The following COG8 variants were observed in gnomAD, a reference collection of about 807,000 sequenced individuals.
The protein encoded by COG8 is conserved oligomeric Golgi complex subunit 8.
Under a neutral mutation model 46.5 loss-of-function variants are expected in COG8, and 45 were observed. The observed-to-expected ratio is 0.97, with a 90% confidence interval of 0.76 to 1.24. The LOEUF is 1.24. Among genes scored for constraint, COG8 ranks in the 50% most tolerant of loss-of-function variants. COG8 has a pLI of 0.00. For missense variants in COG8, 793 were observed against 820.8 expected (o/e 0.97, Z 0.41); for synonymous variants, 407 against 347.8 (o/e 1.17, Z -1.90).
At position 69,332,736 on chromosome 16, in the gene COG8, T is replaced by A. The variant is rs751469714; in HGVS notation, c.1560A>T (p.Pro520=). The change falls in exon 4 of 6, where the codon CCA becomes CCT. Residue 520 remains proline (P), a synonymous_variant. Transcript: ENST00000306875. ...LNRCLQVLFP[P]AQIAQTLGIP... ...TACCTAAAGTCTGTGCTATCTGAGCTGGTGGAAAAAGGACTTGGAGACAGC... is the reference window on the plus strand; with the variant it reads ...TACCTAAAGTCTGTGCTATCTGAGCAGGTGGAAAAAGGACTTGGAGACAGC... The A allele has an allele frequency of 3.1e-6, 5 of 1,614,216 alleles. No homozygotes were observed. The highest frequency in any genetic ancestry group is 3.4e-6 in the Non-Finnish European group (4 of 1,180,010).
Position 69,329,101 on chromosome 16 carries a change from T to C in COG8, c.*105A>G, listed in dbSNP as rs754999679. On this transcript the variant is annotated 3_prime_UTR_variant, in exon 6 of 6. Coordinates refer to ENST00000306875, the MANE Select transcript of COG8 (RefSeq NM_032382.5). ...GTCAATAAACAGGCAGCCCTGCAGG[T>C]GGTCCATCTCGTGCTGGATGATGCG... is the stretch of plus-strand genomic sequence containing the variant. 151 of 1,611,822 alleles carry C rather than the reference T, an allele frequency of 9.4e-5. No homozygotes were observed. The highest frequency in any genetic ancestry group is 1.2e-4 in the Non-Finnish European group (140 of 1,179,584).
At position 69,339,330 on chromosome 16, in the gene COG8, G is replaced by C; in HGVS notation, c.223C>G (p.Leu75Val). The change falls in exon 1 of 6, where the codon CTG (leucine) becomes GTG (valine). Residue 75 changes from leucine to valine, a missense_variant. Coordinates refer to ENST00000306875, the MANE Select transcript of COG8 (RefSeq NM_032382.5). ...GCCAAGTCGCGCGTCTGCTGCAGCA[G>C]CTGCGCCCGCTCCTCCGCCAGGCGC... ...PERLAEERAQ[L>V]LQQTRDLAFA... 1 of 1,606,720 alleles carries C rather than the reference G, an allele frequency of 6.2e-7. No homozygotes were observed. The highest frequency in any genetic ancestry group is 8.5e-7 in the Non-Finnish European group (1 of 1,178,090).
Position 69,329,027 on chromosome 16 carries a change from C to A in COG8, c.*179G>T, listed in dbSNP as rs770713095. Reference sequence around the variant, plus strand: ...TCAGCCCCAGTAGCAAAGCTTTAGTCATTCACCTTCATCCAATAGACGTTT... The same window carrying A: ...TCAGCCCCAGTAGCAAAGCTTTAGTAATTCACCTTCATCCAATAGACGTTT... On this transcript the variant is annotated 3_prime_UTR_variant, in exon 6 of 6. Coordinates refer to ENST00000306875, the MANE Select transcript of COG8 (RefSeq NM_032382.5). 2 of 1,608,016 alleles carry A rather than the reference C, an allele frequency of 1.2e-6. No homozygotes were observed. Among genetic ancestry groups the A allele is most frequent in the African/African-American group, 2.7e-5 (2 of 74,762 alleles).
At chr16:69,338,479 A>C (rs2012328993) in intron 1 of COG8, 2 of 152,292 alleles carry the variant, frequency 1.3e-5, no homozygotes, top group South Asian at 4.1e-4. Context: ...TTCGTATAAA[A>C]TAAGTATATA....
At chr16:69,336,007 C>G (rs1299476449) in intron 2 of COG8, among the ~76,000 whole-genome samples, 1 of 152,080 alleles carries the variant, frequency 6.6e-6, no homozygotes, top group African/African-American at 2.4e-5. Context: ...TTAAACACCT[C>G]AATTTCTGCC....
chr16:69,329,137 C>T lies in COG8; in HGVS notation c.*69G>A, dbSNP rs1186967254. The T allele has an allele frequency of 2.5e-6, 4 of 1,608,572 alleles. No individual in the cohort carries two copies. Among genetic ancestry groups the T allele is most frequent in the Middle Eastern group, 1.7e-4 (1 of 6,050 alleles). On this transcript the variant is annotated 3_prime_UTR_variant, in exon 6 of 6. Transcript: ENST00000306875. ...GTGCTGGATGATGCGGGCTGCCCAC[C>T]CGCTCGCCTGCCACACCACCTGTTC...
At position 69,330,856 on chromosome 16, in the gene COG8, G is replaced by T. The variant is rs1356433775; in HGVS notation, c.1822C>A (p.Pro608Thr). The stretch of plus-strand genomic sequence containing the variant: ...GACGCCGGCTAGGGCCCCACGCTGG[G>T]CGGTTCGGCCTGCGTCTCCGCTCGC... ...GGRAETQAEPPSVGP is the reference protein window; with the variant it reads ...GGRAETQAEPTSVGP The change falls in exon 5 of 6, where the codon CCC becomes ACC. Residue 608 changes from proline to threonine, a missense_variant. Physicochemically the swap from Pro to Thr is conservative, Grantham distance 38. Transcript: ENST00000306875. 1 of 1,541,370 alleles carries T rather than the reference G, an allele frequency of 6.5e-7. No homozygotes were observed. The highest frequency in any genetic ancestry group is 1.4e-5 in the African/African-American group (1 of 73,020).
At chr16:69,331,632 A>G (rs1468983401) in intron 4 of COG8, among the ~76,000 whole-genome samples, 7 of 151,470 alleles carry the variant, frequency 4.6e-5, no homozygotes, top group Non-Finnish European at 8.8e-5. Flanking sequence ...CCTCCGTGGT[A>G]GCTGGGATTA....
At position 69,330,608 on chromosome 16, in the gene COG8, G is replaced by A. The variant is rs1408199348; in HGVS notation, c.*26+205C>T. 5 of 1,411,488 alleles carry A rather than the reference G, an allele frequency of 3.5e-6. No homozygotes were observed. In the South Asian group the frequency reaches 7.9e-5, roughly 22 times the overall value. 87.4% of individuals were successfully genotyped at this position (1,411,488 alleles called of 1,614,324 possible). A position where few individuals can be genotyped will look rare whatever the true frequency, so the allele number is the denominator to read the frequency against. ...AACAGTGACCCGGCCCGCCCCTTCC[G>A]GCCGCAGCGCGGGGCACGCCGGGAA... On this transcript the variant is annotated intron_variant, in intron 5 of 5. Coordinates refer to ENST00000306875, the MANE Select transcript of COG8 (RefSeq NM_032382.5).
intron 5 of COG8, chr16:69,329,904 G>C (rs1965732153): frequency 7.2e-7 from 1 of 1,381,156 alleles, no homozygotes; most frequent in Non-Finnish European, 9.4e-7. Flanking sequence ...GGGAGGTCCG[G>C]CGTATGAACC....
In COG8 at chr16:69,330,876, G is replaced by A. The variant is rs2011769994; in HGVS notation, c.1802C>T (p.Ala601Val). ...AGPACPEGGR[A>V]ETQAEPPSVG... is the part of the protein sequence containing the mutation. ...GCTGGGCGGTTCGGCCTGCGTCTCCGCTCGCCCTCCCTCCGGGCAGGCTGG... is the reference window on the plus strand; with the variant it reads ...GCTGGGCGGTTCGGCCTGCGTCTCCACTCGCCCTCCCTCCGGGCAGGCTGG... Residue 601 changes from alanine (A) to valine (V), a missense_variant, in exon 5 of 6, where the codon GCG becomes GTG. Ala to Val is a moderately conservative substitution (Grantham distance 64). Transcript: ENST00000306875. The A allele has an allele frequency of 6.5e-7, 1 of 1,546,064 alleles. No homozygotes were observed. Among genetic ancestry groups the A allele is most frequent in the Non-Finnish European group, 8.7e-7 (1 of 1,145,748 alleles).
At position 69,336,491 on chromosome 16, in the gene COG8, G is replaced by A. The variant is rs1244291149; in HGVS notation, c.585+14C>T. Reference sequence around the variant, plus strand: ...AGAACATTACTTTGAGTCCTCTCTGGGCAAGGTGGCTACCTGGATGACAGG... The same window carrying A: ...AGAACATTACTTTGAGTCCTCTCTGAGCAAGGTGGCTACCTGGATGACAGG... On this transcript the variant is annotated intron_variant, in intron 2 of 5. Transcript: ENST00000306875. The A allele has an allele frequency of 6.2e-7, 1 of 1,612,800 alleles. No individual in the cohort carries two copies. The highest frequency in any genetic ancestry group is 8.5e-7 in the Non-Finnish European group (1 of 1,179,090).
Position 69,328,276 on chromosome 16 carries a change from G to A in COG8, c.*930C>T, listed in dbSNP as rs986892957. 3 of 152,124 alleles carry A rather than the reference G, an allele frequency of 2.0e-5. No individual in the cohort carries two copies. The highest frequency in any genetic ancestry group is 7.2e-5 in the African/African-American group (3 of 41,416). The allele number at this position is 152,124 out of a possible 1,614,324, so 9.4% of individuals were successfully genotyped here. Reference sequence around the variant, plus strand: ...CTTAAACCTACACATTGGTTGCTGTGATATTAATTCTATTTTTACAAAATA... The same window carrying A: ...CTTAAACCTACACATTGGTTGCTGTAATATTAATTCTATTTTTACAAAATA... On this transcript the variant is annotated 3_prime_UTR_variant, in exon 6 of 6. Transcript: ENST00000306875.
chr16:69,331,657 C>G (rs1460169809), intron 4 of COG8, among the ~76,000 whole-genome samples: 1 of 151,842 alleles, frequency 6.6e-6, no homozygotes, highest in East Asian at 2.0e-4. Flanking sequence ...CGCCCGCCAC[C>G]ATGCCAGGCT....
chr16:69,333,414 T>C (rs1157001235), intron 3 of COG8, among the ~76,000 whole-genome samples: 1 of 152,280 alleles, frequency 6.6e-6, no homozygotes, highest in African/African-American at 2.4e-5. Flanking sequence ...GAGATCCTCC[T>C]ACCTCAGCCT....
chr16:69,339,472 C>T lies in COG8; in HGVS notation c.81G>A (p.Leu27=), dbSNP rs2142663613. The change falls in exon 1 of 6, where the codon CTG becomes CTA. Residue 27 remains leucine, a synonymous_variant. Coordinates refer to ENST00000306875, the MANE Select transcript of COG8 (RefSeq NM_032382.5). The stretch of plus-strand genomic sequence containing the variant: ...GGAAGCGGTCCCGGAACAGCGACGC[C>T]AGGAGCCCTTCATCCTCCACCTCGC... The part of the protein sequence containing the change: ...ALGEVEDEGL[L]ASLFRDRFPE... 1 of 1,602,724 alleles carries T rather than the reference C, an allele frequency of 6.2e-7. No individual in the cohort carries two copies. Among genetic ancestry groups the T allele is most frequent in the East Asian group, 2.2e-5 (1 of 44,750 alleles).
Position 69,328,948 on chromosome 16 carries a change from G to C in COG8, c.*258C>G. The C allele has an allele frequency of 6.5e-7, 1 of 1,544,984 alleles. No homozygotes were observed. The highest frequency in any genetic ancestry group is 1.7e-4 in the Middle Eastern group (1 of 5,886). Reference sequence around the variant, plus strand: ...TGCGAGCCATCCAAGTTGATGCCAAGTAAGATTTGCCCAGCTCAAAGTGAA... The same window carrying C: ...TGCGAGCCATCCAAGTTGATGCCAACTAAGATTTGCCCAGCTCAAAGTGAA... On this transcript the variant is annotated 3_prime_UTR_variant, in exon 6 of 6. Transcript: ENST00000306875.
chr16:69,333,090 C>T (rs147927822), intron 3 of COG8, among the ~76,000 whole-genome samples: 344 of 151,660 alleles, frequency 2.3e-3, no homozygotes, highest in Non-Finnish European at 4.1e-3. Context: ...TCAGACCCAA[C>T]TTGTTACATT....
chr16:69,337,406 T>G (rs2012265969), intron 1 of COG8, among the ~76,000 whole-genome samples: 1 of 151,974 alleles, frequency 6.6e-6, no homozygotes, highest in African/African-American at 2.4e-5. Context: ...GTAAAAATAG[T>G]AAAAGAGACA....
Sources: allele counts gnomAD v4.1 joint callset (sites outside exome capture counted in the v4.1 genomes callset), GRCh38; gene constraint gnomAD v4.1.1; transcripts MANE v1.5; gene names NCBI Gene and HGNC (gene_info 2026-07-23, HGNC 2026-07-21).